The following EPS8L1 variants were observed in gnomAD, a reference collection of about 807,000 sequenced individuals.
The protein encoded by EPS8L1 is EPS8 signaling adaptor L1.
EPS8L1 carries 101 observed loss-of-function variants against 91.7 expected under a neutral mutation model. The ratio of observed to expected loss-of-function variants is 1.10; its 90% CI spans 0.94 to 1.30. The LOEUF is 1.30. EPS8L1 is among the 50% of genes most tolerant of loss of function. EPS8L1 has a pLI of 0.00. For synonymous variants in EPS8L1, 506 were observed against 445.3 expected (o/e 1.14, Z -1.72); for missense variants, 1,114 against 1,017.0 (o/e 1.10, Z -1.30).
At position 55,086,470 on chromosome 19, in the gene EPS8L1, C is replaced by T. The variant is rs1458740002; in HGVS notation, c.1729C>T (p.Arg577Cys). The change falls in exon 17 of 20, where the codon CGC becomes TGC. Residue 577 changes from arginine to cysteine, a missense_variant. Transcript: ENST00000201647. ...GGCTCGGCCCCGCTGGGACAGGCCCCGCTGGGACAGCTGCGATAGCCTCAA... is the reference window on the plus strand; with the variant it reads ...GGCTCGGCCCCGCTGGGACAGGCCCTGCTGGGACAGCTGCGATAGCCTCAA... ...ALARPRWDRPRWDSCDSLNGL... is the reference protein window; with the variant it reads ...ALARPRWDRPCWDSCDSLNGL... The T allele has an allele frequency of 3.2e-6, 5 of 1,552,086 alleles. No individual in the cohort carries two copies. The highest frequency in any genetic ancestry group is 2.6e-6 in the Non-Finnish European group (3 of 1,147,198).
At chr19:55,085,661 C>T in intron 14 of EPS8L1, 180 bp from the exon 15 acceptor site, 1 of 668,290 alleles carries the variant, frequency 1.5e-6, no homozygotes, top group South Asian at 2.3e-5. Flanking sequence ...CAATGCCAAG[C>T]AACGGAGGGA....
Position 55,078,136 on chromosome 19 carries a change from G to C in EPS8L1, c.58+8G>C, listed in dbSNP as rs763527732. 6.2e-7 allele frequency: 1 copy of C among 1,613,018 alleles called. No individual in the cohort carries two copies. On this transcript the variant is annotated splice_region_variant and intron_variant, in intron 3 of 19. Coordinates refer to ENST00000201647, the MANE Select transcript of EPS8L1 (RefSeq NM_133180.3). ...GCGCCAAGTCTATCTATGGTGAGCG[G>C]GGGGCAAGGGAGCCCCAGGCCCATA... is the stretch of plus-strand genomic sequence containing the variant.
At position 55,083,889 on chromosome 19, in the gene EPS8L1, T is replaced by C; in HGVS notation, c.1385+245T>C. 1.5e-6 allele frequency: 1 copy of C among 650,834 alleles called. No homozygotes were observed. Among genetic ancestry groups the C allele is most frequent in the African/African-American group, 1.8e-5 (1 of 55,308 alleles). The allele number at this position is 650,834 out of a possible 1,614,324, so 40.3% of individuals were successfully genotyped here. On this transcript the variant is annotated intron_variant, in intron 14 of 19. Coordinates refer to ENST00000201647, the MANE Select transcript of EPS8L1 (RefSeq NM_133180.3). The surrounding 1 kb of genome is among the most constrained non-coding windows in gnomAD (Gnocchi z 4.7). Reference sequence around the variant, plus strand: ...GAATGGAGACCCGGATTCCTGGGCCTAAGGGAGGAAGGGGGCTGGGAGTGG... The same window carrying C: ...GAATGGAGACCCGGATTCCTGGGCCCAAGGGAGGAAGGGGGCTGGGAGTGG...
chr19:55,084,497 A>G, intron 14 of EPS8L1: 1 of 152,592 alleles, frequency 6.6e-6, no homozygotes, highest in Middle Eastern at 3.4e-3. Context: ...GAGGAGACGA[A>G]AACAAAGCAG....
Position 55,081,722 on chromosome 19 carries a change from G to C in EPS8L1, c.775-51G>C. 1 of 1,563,898 alleles carries C rather than the reference G, an allele frequency of 6.4e-7. No homozygotes were observed. Among genetic ancestry groups the C allele is most frequent in the South Asian group, 1.2e-5 (1 of 85,402 alleles). On this transcript the variant is annotated intron_variant, in intron 8 of 19. Transcript: ENST00000201647. The surrounding 1 kb of genome is among the most constrained non-coding windows in gnomAD (Gnocchi z 4.9). ...TGCTCAGGTTCAGGGCTTCGACGGG[G>C]ATGGTTTTGGAACTCGGGAGCCCTG...
At position 55,081,770 on chromosome 19, in the gene EPS8L1, T is replaced by C. The variant is rs749073588; in HGVS notation, c.775-3T>C. 2 of 1,608,492 alleles carry C rather than the reference T, an allele frequency of 1.2e-6. No individual in the cohort carries two copies. Among genetic ancestry groups the C allele is most frequent in the Non-Finnish European group, 1.7e-6 (2 of 1,176,416 alleles). On this transcript the variant is annotated splice_polypyrimidine_tract_variant and splice_region_variant and intron_variant, in intron 8 of 19. Transcript: ENST00000201647. The surrounding 1 kb of genome is among the most constrained non-coding windows in gnomAD (Gnocchi z 4.9). ...CTGAGCGTCCCCCTCCTCTGTCCCC[T>C]AGGACATCCTGAACCACGTGTTCGA...
rs981593325 is a variant in EPS8L1, at chr19:55,081,640, G to A, written c.775-133G>A. ...AGGGGCTGGGTCGGGGGCGGGGCTT[G>A]GTTGTGGGGCGTGGCCAGGTGTTTG... On this transcript the variant is annotated intron_variant, in intron 8 of 19. Transcript: ENST00000201647. The surrounding 1 kb of genome is among the most constrained non-coding windows in gnomAD (Gnocchi z 4.9). The A allele has an allele frequency of 2.1e-6, 3 of 1,446,180 alleles. No individual in the cohort carries two copies. The highest frequency in any genetic ancestry group is 2.6e-5 in the Admixed American group (1 of 38,480). 89.6% of individuals were successfully genotyped at this position (1,446,180 alleles called of 1,614,324 possible). A position where few individuals can be genotyped will look rare whatever the true frequency, so the allele number is the denominator to read the frequency against.
chr19:55,087,173 GTGTCGGGCCTGCCCCCGCTAGAGC>G, intron 18 of EPS8L1, 106 bp from the exon 19 acceptor site: 11 of 1,360,114 alleles, frequency 8.1e-6, no homozygotes, highest in Non-Finnish European at 1.1e-5. Context: ...GGTTCAGGAG[GTGTCGGGCCTGCCCCCGCTAGAGC>G]TAGAATGCTG....
chr19:55,081,995 G>A lies in EPS8L1; in HGVS notation c.901+96G>A, dbSNP rs776055088. 6.4e-7 allele frequency: 1 copy of A among 1,553,876 alleles called. No homozygotes were observed. The highest frequency in any genetic ancestry group is 1.2e-5 in the South Asian group (1 of 85,234). On this transcript the variant is annotated intron_variant, in intron 9 of 19. Transcript: ENST00000201647. The surrounding 1 kb of genome is among the most constrained non-coding windows in gnomAD (Gnocchi z 4.9). ...CTCTCCCCTCCCGCCACTTGCCAGG[G>A]CTGACCTCACCGCCATCTTAACCGG...
At position 55,083,224 on chromosome 19, in the gene EPS8L1, C is replaced by T. The variant is rs1276962949; in HGVS notation, c.1215-154C>T. 1.3e-5 allele frequency among the ~76,000 whole-genome samples: 2 copies of T among 152,172 alleles called. No individual in the cohort carries two copies. The highest frequency in any genetic ancestry group is 2.4e-5 in the African/African-American group (1 of 41,438). ...AAATATAAATTGCTGTTGAGTTGGGCTTAGAGCTACCGGCAGGACTTGGTG... is the reference window on the plus strand; with the variant it reads ...AAATATAAATTGCTGTTGAGTTGGGTTTAGAGCTACCGGCAGGACTTGGTG... On this transcript the variant is annotated intron_variant, in intron 12 of 19. Coordinates refer to ENST00000201647, the MANE Select transcript of EPS8L1 (RefSeq NM_133180.3). This position sits in a 1 kb window ranked among gnomAD's most constrained non-coding sequence, Gnocchi z 4.7.
At chr19:55,080,951 C>A in intron 7 of EPS8L1, 97 bp downstream of exon 7, 2 of 1,216,912 alleles carry the variant, frequency 1.6e-6, no homozygotes, top group East Asian at 2.5e-5. Context: ...AAGAGTTTTG[C>A]ATGGAGTCAA....
At chr19:55,086,920 T>A in intron 18 of EPS8L1, 32 bp downstream of exon 18, 1 of 1,408,044 alleles carries the variant, frequency 7.1e-7, no homozygotes, top group Admixed American at 3.5e-5. Flanking sequence ...TCGGCGCGGG[T>A]TGATACGGAC....
At position 55,087,299 on chromosome 19, in the gene EPS8L1, T is replaced by C; in HGVS notation, c.1953-4T>C. On this transcript the variant is annotated splice_region_variant and splice_polypyrimidine_tract_variant and intron_variant, in intron 18 of 19. Transcript: ENST00000201647. Reference sequence around the variant, plus strand: ...CTGACCGCGCCCGGGCTGCCCTCGCTCAGGACCGTGGACGCGCTGGGTGTG... The same window carrying C: ...CTGACCGCGCCCGGGCTGCCCTCGCCCAGGACCGTGGACGCGCTGGGTGTG... 1.2e-6 allele frequency: 2 copies of C among 1,601,418 alleles called. No individual in the cohort carries two copies. The highest frequency in any genetic ancestry group is 8.5e-7 in the Non-Finnish European group (1 of 1,174,666).
chr19:55,080,043 C>T (rs2147136168), intron 5 of EPS8L1, 86 bp from the exon 6 acceptor site: 2 of 1,452,466 alleles, frequency 1.4e-6, no homozygotes, highest in Non-Finnish European at 9.1e-7. Context: ...CTGAGGTTGC[C>T]CTGACCTGCT....
intron 6 of EPS8L1, 61 bp from the exon 7 acceptor site, chr19:55,080,711 G>A: frequency 1.9e-6 from 3 of 1,586,152 alleles, no homozygotes; most frequent in African/African-American, 1.3e-5. Context: ...GGCCAGGGGC[G>A]AGGCCCGGGT....
rs565316227 is a variant in EPS8L1 at position 55,079,999 on chromosome 19, T to A, written c.280-130T>A. ...CTTGAGCCTTAATAGCCTCATCTATTAAACAGGGCTGTTATCCCTAACCCC... is the reference window on the plus strand; with the variant it reads ...CTTGAGCCTTAATAGCCTCATCTATAAAACAGGGCTGTTATCCCTAACCCC... On this transcript the variant is annotated intron_variant, in intron 5 of 19. Transcript: ENST00000201647. 95 of 1,434,878 alleles carry A rather than the reference T, an allele frequency of 6.6e-5. No homozygotes were observed. In the South Asian group the frequency reaches 1.3e-3, roughly 20 times the overall value. The allele number at this position is 1,434,878 out of a possible 1,614,324, so 88.9% of individuals were successfully genotyped here.
Position 55,078,852 on chromosome 19 carries a change from C to G in EPS8L1, c.59-147C>G, listed in dbSNP as rs9783959. The G allele has an allele frequency of 9.9e-3, 1,111 of 111,836 alleles. 59 individuals carry two copies. Among genetic ancestry groups the G allele is most frequent in the African/African-American group, 0.026 (59 of 2,258 alleles). The allele number at this position is 111,836 out of a possible 1,614,324, so 6.9% of individuals were successfully genotyped here. On this transcript the variant is annotated intron_variant, in intron 3 of 19. Coordinates refer to ENST00000201647, the MANE Select transcript of EPS8L1 (RefSeq NM_133180.3). ...GGTTTGAGGGAGGAGGGGCTGGGGG[C>G]CTGGACTCCTGGGTCAGAGGGAAGA...
In EPS8L1 at chr19:55,076,412, C is replaced by A; in HGVS notation, c.-33C>A. ...CACATGTTTGCTGGCTCCCAGGGCA[C>A]CTCCAGGTGGGCAGGAGCTACCACT... On this transcript the variant is annotated 5_prime_UTR_variant, in exon 2 of 20. Coordinates refer to ENST00000201647, the MANE Select transcript of EPS8L1 (RefSeq NM_133180.3). The A allele has an allele frequency of 1.2e-6, 2 of 1,610,730 alleles. No homozygotes were observed. The highest frequency in any genetic ancestry group is 1.7e-4 in the Middle Eastern group (1 of 6,044).
At position 55,083,667 on chromosome 19, in the gene EPS8L1, G is replaced by A. The variant is rs1304714450; in HGVS notation, c.1385+23G>A. ...TGGGTGAGTGTCCGCCCCAGGGCAG[G>A]GCAAGGGGGTCAAGGAGGGGTGCGT... On this transcript the variant is annotated intron_variant, in intron 14 of 19. Coordinates refer to ENST00000201647, the MANE Select transcript of EPS8L1 (RefSeq NM_133180.3). The surrounding 1 kb of genome is among the most constrained non-coding windows in gnomAD (Gnocchi z 4.7). The A allele has an allele frequency of 2.5e-6, 4 of 1,587,022 alleles. No homozygotes were observed. Among genetic ancestry groups the A allele is most frequent in the Middle Eastern group, 3.3e-4 (2 of 6,034 alleles).
Sources: gnomAD v4.1 joint callset for allele counts (sites outside exome capture counted in the v4.1 genomes callset) on GRCh38, gnomAD v4.1.1 for gene constraint, Gnocchi (gnomAD v3.1) non-coding constraint, MANE v1.5 for transcripts, NCBI Gene and HGNC (gene_info 2026-07-23, HGNC 2026-07-21) for gene names.